The following SAMSN1 variants were observed in gnomAD, a reference collection of about 807,000 sequenced individuals.
SAMSN1 encodes the protein SAM domain-containing protein SAMSN-1.
In SAMSN1, 31 loss-of-function variants were observed where a neutral mutation model predicts 42.0. The observed-to-expected ratio is 0.74, with a 90% CI of 0.55 to 1.00. SAMSN1 has a LOEUF of 1.00. Ranked by LOEUF, SAMSN1 falls within the 50% of genes least tolerant of loss-of-function variation. The pLI, the probability that SAMSN1 is intolerant of heterozygous loss-of-function variation, is 0.00. For synonymous variants in SAMSN1, 178 were observed against 151.9 expected, an observed-to-expected ratio of 1.17 and a Z score of -1.26; for missense variants, 464 against 439.4, an observed-to-expected ratio of 1.06 and a Z score of -0.50.
chr21:14,619,628 G>A, intron 2 of SAMSN1: 1 of 304,502 alleles, frequency 3.3e-6, no homozygotes, highest in Non-Finnish European at 7.0e-6. Context: ...TTGTAGGGGA[G>A]AAAAGATTTA....
At chr21:14,543,636 A>C (rs1173814121) in intron 1 of SAMSN1, among the ~76,000 whole-genome samples, 3 of 152,182 alleles carry the variant, frequency 2.0e-5, no homozygotes, top group African/African-American at 7.2e-5. Context: ...ATTAGTTATA[A>C]TATGCATTGC....
chr21:14,612,965 T>G, intron 3 of SAMSN1: 2 of 662,030 alleles, frequency 3.0e-6, no homozygotes, highest in Non-Finnish European at 5.5e-6. Context: ...TAAATAACAT[T>G]TTAATCAAAC....
chr21:14,516,394 T>G (rs571132270), intron 3 of SAMSN1, among the ~76,000 whole-genome samples: 87 of 152,308 alleles, frequency 5.7e-4, no homozygotes, highest in South Asian at 1.7e-3. Flanking sequence ...ATGATCTTTT[T>G]TTTTGTTTTG....
intron 1 of SAMSN1, among the ~76,000 whole-genome samples, chr21:14,528,939 G>A (rs144886595): frequency 5.7e-4 from 86 of 152,162 alleles, no homozygotes; most frequent in African/African-American, 2.0e-3. Flanking sequence ...TCTGAGTTAG[G>A]CATTAACTTC....
intron 2 of SAMSN1, among the ~76,000 whole-genome samples, chr21:14,570,257 C>A (rs1481593695): frequency 2.0e-5 from 3 of 152,146 alleles, no homozygotes; most frequent in Non-Finnish European, 2.9e-5. Context: ...AAATGAAAGC[C>A]ACCCTTAATA....
At position 14,563,881 on chromosome 21, in the gene SAMSN1, C is replaced by T. The variant is rs9636588; in HGVS notation, c.261+18255G>A. ...TCAGCATAAGTAGTGGTAGAATAAC[C>T]TAAGTAGGAAAAGACTTAACAAGAA... On this transcript the variant is annotated intron_variant, in intron 2 of 8. Transcript: ENST00000285670. Among the ~76,000 whole-genome samples the T allele has an allele frequency of 2.6e-5, 4 of 152,194 alleles. No individual in the cohort carries two copies. The East Asian group carries it at 7.7e-4, about 29-fold the overall frequency.
In SAMSN1 at chr21:14,500,644, T is replaced by A. The variant is rs1987113156; in HGVS notation, c.653A>T (p.Tyr218Phe). The A allele has an allele frequency of 6.2e-7, 1 of 1,614,046 alleles. No individual in the cohort carries two copies. Among genetic ancestry groups the A allele is most frequent in the African/African-American group, 1.3e-5 (1 of 74,932 alleles). Reference sequence around the variant, plus strand: ...TTCCTCTTCTGAGATGACATCCACATAAATGAATTTGAAGTTTCCCACTTT... The same window carrying A: ...TTCCTCTTCTGAGATGACATCCACAAAAATGAATTTGAAGTTTCCCACTTT... ...NNKVGNFKFI[Y>F]VDVISEEEAA... Residue 218 changes from tyrosine to phenylalanine, a missense_variant, in exon 6 of 8, where the codon TAT becomes TTT. Physicochemically the swap from Tyr to Phe is conservative, Grantham distance 22. Coordinates refer to ENST00000400566, the MANE Select transcript of SAMSN1 (RefSeq NM_022136.5).
At chr21:14,539,817 A>T (rs1220774785) in intron 1 of SAMSN1, among the ~76,000 whole-genome samples, 1 of 152,192 alleles carries the variant, frequency 6.6e-6, no homozygotes, top group Non-Finnish European at 1.5e-5. Context: ...TGCAACCAAA[A>T]AAGAGCCCGC....
chr21:14,522,903 G>A (rs1241810440), intron 1 of SAMSN1, among the ~76,000 whole-genome samples: 2 of 152,180 alleles, frequency 1.3e-5, no homozygotes, highest in African/African-American at 2.4e-5. Context: ...GCACACTGAA[G>A]CACACATCCA....
chr21:14,657,926 T>C (rs1263314297), intron 1 of SAMSN1, among the ~76,000 whole-genome samples: 1 of 151,842 alleles, frequency 6.6e-6, no homozygotes. Flanking sequence ...GTTAATCTTA[T>C]GTGCAATTAG....
intron 1 of SAMSN1, among the ~76,000 whole-genome samples, chr21:14,536,054 C>G (rs2822755): frequency 0.21 from 31,600 of 152,114 alleles, 4,060 homozygotes; most frequent in East Asian, 0.38. Context: ...TATTAGTAAT[C>G]AATTCTTAAT....
chr21:14,654,734 T>C (rs1983889762), intron 1 of SAMSN1, among the ~76,000 whole-genome samples: 1 of 151,982 alleles, frequency 6.6e-6, no homozygotes, highest in Admixed American at 6.6e-5. Context: ...AGTTCATATA[T>C]CTGCTTGGAA....
At chr21:14,538,204 G>A (rs543448413) in intron 1 of SAMSN1, among the ~76,000 whole-genome samples, 11 of 152,122 alleles carry the variant, frequency 7.2e-5, no homozygotes, top group Middle Eastern at 3.4e-3. Flanking sequence ...TTTTTTAAAG[G>A]GGAAAAGAGT....
At chr21:14,564,905 G>C (rs1241824847) in intron 2 of SAMSN1, among the ~76,000 whole-genome samples, 1 of 152,078 alleles carries the variant, frequency 6.6e-6, no homozygotes, top group East Asian at 1.9e-4. Context: ...TCCAAAACAG[G>C]GTTCAGGAAT....
In SAMSN1 at chr21:14,512,560, C is replaced by T. The variant is rs1285816485; in HGVS notation, c.293G>A (p.Gly98Glu). ...ALSEEKDEED[G>E]ENAHPYRNSD... ...GTTTCTATATGGGTGGGCATTCTCT[C>T]CATCTTCCTCATCCTTCAGAAAACA... is the stretch of plus-strand genomic sequence containing the variant. The change falls in exon 4 of 8, where the codon GGA (glycine) becomes GAA (glutamate). Residue 98 changes from glycine (G) to glutamate (E), a missense_variant. By Grantham distance (98) the Gly-to-Glu change is moderately conservative. Coordinates refer to ENST00000400566, the MANE Select transcript of SAMSN1 (RefSeq NM_022136.5). 9.9e-6 allele frequency: 16 copies of T among 1,613,784 alleles called. No homozygotes were observed. The highest frequency in any genetic ancestry group is 1.7e-5 in the Admixed American group (1 of 59,986).
At chr21:14,553,344 ATTG>A (rs1980661659) in intron 2 of SAMSN1, among the ~76,000 whole-genome samples, 2 of 152,104 alleles carry the variant, frequency 1.3e-5, no homozygotes, top group South Asian at 4.1e-4. Flanking sequence ...TTCTCTATAT[ATTG>A]TTAATATTTC....
chr21:14,596,715 T>TA (rs1411307752), intron 6 of SAMSN1, among the ~76,000 whole-genome samples: 1 of 151,998 alleles, frequency 6.6e-6, no homozygotes, highest in Admixed American at 6.6e-5. Flanking sequence ...TCAATTCCCA[T>TA]AAAAAAACTG....
chr21:14,532,087 T>G (rs1189302669), intron 1 of SAMSN1, among the ~76,000 whole-genome samples: 2 of 152,208 alleles, frequency 1.3e-5, no homozygotes, highest in African/African-American at 4.8e-5. Flanking sequence ...CTTCTGGAGT[T>G]GTAATGTTTC....
rs769354531 is a variant in SAMSN1, at chr21:14,578,680, CAAAAAAAAAA to C, written c.261+3446_261+3455del. ...CCTGGGCGACAGGGTGAGAATCCAT[CAAAAAAAAAA>C]AAAAAAAAAAAAAAAGACCCCAAGA... On this transcript the variant is annotated intron_variant, in intron 2 of 8. Coordinates refer to the SAMSN1 transcript ENST00000285670. Among the ~76,000 whole-genome samples the C allele has an allele frequency of 5.6e-3, 359 of 63,748 alleles. 2 individuals are homozygous for C. The highest frequency in any genetic ancestry group is 0.02 in the African/African-American group (326 of 16,388). 41.8% of individuals were successfully genotyped at this position (63,748 alleles called of 152,430 possible).
Sources: gnomAD v4.1 joint callset for allele counts (sites outside exome capture counted in the v4.1 genomes callset) on GRCh38, gnomAD v4.1.1 for gene constraint, MANE v1.5 for transcripts, NCBI Gene and HGNC (gene_info 2026-07-23, HGNC 2026-07-21) for gene names.